NTN1: variants seen among roughly 807,000 people sequenced by gnomAD.
NTN1 encodes netrin-1.
In NTN1, 11 loss-of-function variants were observed where a neutral mutation model predicts 54.2. That is an observed-to-expected ratio of 0.20 (90% CI 0.13 to 0.34). NTN1 has a LOEUF of 0.34. Among genes scored for constraint, NTN1 ranks in the 10% least tolerant of loss-of-function variants. NTN1 has a pLI of 1.00. For synonymous variants in NTN1, 371 were observed against 382.0 expected (o/e 0.97, Z 0.33); for missense variants, 740 against 893.1 (o/e 0.83, Z 2.18).
intron 2 of NTN1, among the ~76,000 whole-genome samples, chr17:9,048,732 T>A (rs2091949518): frequency 6.6e-6 from 1 of 151,994 alleles, no homozygotes; most frequent in Non-Finnish European, 1.5e-5. Flanking sequence ...TCTTGGCTCA[T>A]TGTAACTTCT....
chr17:9,161,082 G>C lies in NTN1; in HGVS notation c.1019-1731G>C, dbSNP rs905759035. On this transcript the variant is annotated intron_variant, in intron 2 of 6. Transcript: ENST00000173229. ...ACGAGAAGAGGCCAGACCTGTGCTG[G>C]AGTAACCCTGGGGTTGGAAGCCTAA... Among the ~76,000 whole-genome samples, 9 of 152,364 alleles carry C rather than the reference G, an allele frequency of 5.9e-5. No homozygotes were observed. In the South Asian group the frequency reaches 1.9e-3, roughly 32 times the overall value.
intron 5 of NTN1, among the ~76,000 whole-genome samples, chr17:9,185,262 C>T (rs1004861360): frequency 2.0e-5 from 3 of 152,134 alleles, no homozygotes; most frequent in Non-Finnish European, 4.4e-5. Context: ...CTTGTCTCAG[C>T]GTCTGAGACA....
rs563330548 is a variant in NTN1, at chr17:9,104,694, A to G, written c.1019-58119A>G. On this transcript the variant is annotated intron_variant, in intron 2 of 6. Coordinates refer to ENST00000173229, the MANE Select transcript of NTN1 (RefSeq NM_004822.3). ...TCTCTTGCTGGCACGTCAAAGCTGAATGTCCAACACCATGACACCCTGGTC... is the reference window on the plus strand; with the variant it reads ...TCTCTTGCTGGCACGTCAAAGCTGAGTGTCCAACACCATGACACCCTGGTC... Among the ~76,000 whole-genome samples the G allele has an allele frequency of 1.8e-4, 28 of 152,344 alleles. 1 individual carries two copies. The South Asian group carries it at 5.8e-3, about 32-fold the overall frequency.
intron 2 of NTN1, among the ~76,000 whole-genome samples, chr17:9,064,866 C>T (rs1396860732): frequency 6.6e-6 from 1 of 152,182 alleles, no homozygotes; most frequent in Non-Finnish European, 1.5e-5. Flanking sequence ...TCAAGCAATC[C>T]TCCCACCTCA....
At chr17:9,102,975 CTG>C (rs1319073853) in intron 2 of NTN1, among the ~76,000 whole-genome samples, 1 of 152,128 alleles carries the variant, frequency 6.6e-6, no homozygotes, top group African/African-American at 2.4e-5. Context: ...AGGGTAGTGA[CTG>C]TGGAGGAGGT....
At chr17:9,228,820 CTGTGTGTGTG>C (rs10641432) in intron 6 of NTN1, among the ~76,000 whole-genome samples, 44 of 141,408 alleles carry the variant, frequency 3.1e-4, no homozygotes, top group South Asian at 1.4e-3. Context: ...ATCTGTTCAG[CTGTGTGTGTG>C]TGTGTGTGTG....
the NTN1 span, among the ~76,000 whole-genome samples, chr17:9,011,898 T>C: frequency 5.8e-4 from 89 of 152,222 alleles, no homozygotes; most frequent in Non-Finnish European, 1.1e-3. Flanking sequence ...CTGGGGGGCT[T>C]TTTTAGCTCA....
rs1424764850 is a variant in NTN1, at chr17:9,022,427, G to A, written c.54G>A (p.Leu18=). The A allele has an allele frequency of 5.8e-6, 8 of 1,367,684 alleles. No individual in the cohort carries two copies. Among genetic ancestry groups the A allele is most frequent in the Admixed American group, 7.8e-5 (2 of 25,758 alleles). The allele number at this position is 1,367,684 out of a possible 1,614,324, so 84.7% of individuals were successfully genotyped here. A position where few individuals can be genotyped will look rare whatever the true frequency, so the allele number is the denominator to read the frequency against. ...CGGCGCTGGCGGCGGTGGCGTGCCT[G>A]GTGGGCGCGGTGCGCGGCGGGCCCG... The part of the protein sequence containing the change: ...ALAALAAVAC[L]VGAVRGGPGL... The change falls in exon 2 of 7, where the codon CTG becomes CTA. Residue 18 remains leucine (L), a synonymous_variant. Coordinates refer to ENST00000173229, the MANE Select transcript of NTN1 (RefSeq NM_004822.3).
At chr17:9,096,188 C>G (rs185570511) in intron 2 of NTN1, among the ~76,000 whole-genome samples, 9 of 152,098 alleles carry the variant, frequency 5.9e-5, no homozygotes, top group African/African-American at 2.2e-4. Flanking sequence ...CTGAATGTTT[C>G]TTAAGTTTAT....
chr17:9,153,411 T>C (rs1218362892), intron 2 of NTN1, among the ~76,000 whole-genome samples: 1 of 152,170 alleles, frequency 6.6e-6, no homozygotes, highest in Non-Finnish European at 1.5e-5. Context: ...ATCCTGCCAC[T>C]GCACTCCAGC....
Position 9,239,900 on chromosome 17 carries a change from G to C in NTN1, c.1747G>C (p.Asp583His). 6.3e-7 allele frequency: 1 copy of C among 1,598,824 alleles called. No individual in the cohort carries two copies. The highest frequency in any genetic ancestry group is 2.3e-5 in the East Asian group (1 of 43,870). The part of the protein sequence containing the change: ...DKSSLVIQWR[D>H]TWARRLRKFQ... ...AAGCAGCCTGGTGATCCAGTGGCGG[G>C]ACACGTGGGCGCGGCGGCTGCGCAA... The change falls in exon 7 of 7, where the codon GAC (aspartate) becomes CAC (histidine). Residue 583 changes from aspartate (D) to histidine (H), a missense_variant. Transcript: ENST00000173229. This position sits in a 1 kb window ranked among gnomAD's most constrained non-coding sequence, Gnocchi z 5.2.
chr17:9,213,579 G>T lies in NTN1; in HGVS notation c.1412-7589G>T, dbSNP rs573458846. On this transcript the variant is annotated intron_variant, in intron 5 of 6. Transcript: ENST00000173229. ...GCTGATCAATTGGCCCATATAGTCT[G>T]TGTGTATATATGGTTATGCCAGCTT... Among the ~76,000 whole-genome samples, 33 of 152,314 alleles carry T rather than the reference G, an allele frequency of 2.2e-4. 2 individuals are homozygous for T. The South Asian group carries it at 6.2e-3, about 29-fold the overall frequency.
intron 6 of NTN1, among the ~76,000 whole-genome samples, chr17:9,237,208 A>G (rs1906020952): frequency 6.6e-6 from 1 of 152,144 alleles, no homozygotes; most frequent in Non-Finnish European, 1.5e-5. Flanking sequence ...GTCCAAGATC[A>G]AGGTGTCGGT....
At chr17:9,155,074 TCTC>T (rs1224901120) in intron 2 of NTN1, among the ~76,000 whole-genome samples, 1 of 152,152 alleles carries the variant, frequency 6.6e-6, no homozygotes, top group African/African-American at 2.4e-5. Context: ...CCGACTCTCT[TCTC>T]AGGCCCTGTC....
At position 9,128,119 on chromosome 17, in the gene NTN1, AAAATAAAT is replaced by A. The variant is rs57255280; in HGVS notation, c.1019-34671_1019-34664del. ...GTGACAGAGCAAGACTCCGTCTCGA[AAAATAAAT>A]AAATAAATAAATAAATAAATAATAA... On this transcript the variant is annotated intron_variant, in intron 2 of 6. Coordinates refer to ENST00000173229, the MANE Select transcript of NTN1 (RefSeq NM_004822.3). Among the ~76,000 whole-genome samples, 73 of 149,608 alleles carry A rather than the reference AAAATAAAT, an allele frequency of 4.9e-4. No individual in the cohort carries two copies. The East Asian group carries it at 5.7e-3, about 12-fold the overall frequency.
chr17:9,218,569 C>G (rs773592314), intron 5 of NTN1, among the ~76,000 whole-genome samples: 6 of 152,158 alleles, frequency 3.9e-5, no homozygotes, highest in Non-Finnish European at 5.9e-5. Context: ...GTAGAGGTTT[C>G]TAGGCTGGGA....
At chr17:9,198,997 C>T (rs1904710651) in intron 5 of NTN1, among the ~76,000 whole-genome samples, 1 of 152,214 alleles carries the variant, frequency 6.6e-6, no homozygotes, top group African/African-American at 2.4e-5. Context: ...GACAAGATAA[C>T]AGGCATACCA....
the NTN1 span, among the ~76,000 whole-genome samples, chr17:9,008,231 G>T: frequency 6.6e-6 from 1 of 151,934 alleles, no homozygotes; most frequent in Non-Finnish European, 1.5e-5. Context: ...ATCTCTGTTT[G>T]CCCTGTAGTA....
At chr17:9,128,942 ACCAAGGGG>A (rs2092255322) in intron 2 of NTN1, among the ~76,000 whole-genome samples, 1 of 152,140 alleles carries the variant, frequency 6.6e-6, no homozygotes, top group South Asian at 2.1e-4. Flanking sequence ...TTTAAAATGA[ACCAAGGGG>A]CCTGCAGCTC....
Sources: gnomAD v4.1 joint callset for allele counts (sites outside exome capture counted in the v4.1 genomes callset) on GRCh38, gnomAD v4.1.1 for gene constraint, Gnocchi (gnomAD v3.1) non-coding constraint, MANE v1.5 for transcripts, NCBI Gene and HGNC (gene_info 2026-07-23, HGNC 2026-07-21) for gene names.